Variants in SLC4A10 observed in about 807,000 individuals in gnomAD.
SLC4A10 encodes the protein sodium-driven chloride bicarbonate exchanger.
SLC4A10 carries 42 observed loss-of-function variants against 137.7 expected under a neutral mutation model. The observed-to-expected ratio is 0.30, with a 90% CI of 0.24 to 0.39. SLC4A10 has a LOEUF of 0.39. Ranked by LOEUF, SLC4A10 falls within the 10% of genes least tolerant of loss-of-function variation. The probability of loss-of-function intolerance (pLI) is 1.00; values close to 1 mark genes in which losing one functional copy is unlikely to be tolerated. For missense variants in SLC4A10, 925 were observed against 1,355.0 expected, an observed-to-expected ratio of 0.68 and a Z score of 4.98; for synonymous variants, 474 against 464.1, an observed-to-expected ratio of 1.02 and a Z score of -0.27.
intron 16 of SLC4A10, among the ~76,000 whole-genome samples, chr2:161,944,432 T>A (rs1345851120): frequency 6.6e-6 from 1 of 151,856 alleles, no homozygotes; most frequent in African/African-American, 2.4e-5. Flanking sequence ...ATTCCTTCTA[T>A]GTATTAGCAA....
intron 15 of SLC4A10, among the ~76,000 whole-genome samples, chr2:161,919,587 G>A (rs1359650218): frequency 6.6e-6 from 1 of 152,124 alleles, no homozygotes; most frequent in Non-Finnish European, 1.5e-5. Flanking sequence ...TTGATGGGAT[G>A]ACTTGCCTGT....
chr2:161,812,167 T>G (rs1466516842), intron 3 of SLC4A10, among the ~76,000 whole-genome samples: 1 of 152,054 alleles, frequency 6.6e-6, no homozygotes, highest in Non-Finnish European at 1.5e-5. Flanking sequence ...TCTGTGTCCC[T>G]TAATGAAGAA....
intron 2 of SLC4A10, among the ~76,000 whole-genome samples, chr2:161,786,482 G>A (rs1353444306): frequency 6.6e-6 from 1 of 151,962 alleles, no homozygotes; most frequent in Non-Finnish European, 1.5e-5. Flanking sequence ...TGTAGTCTCA[G>A]TGGTGTGATT....
At chr2:161,737,849 C>G (rs1227767160) in intron 1 of SLC4A10, among the ~76,000 whole-genome samples, 1 of 151,896 alleles carries the variant, frequency 6.6e-6, no homozygotes, top group African/African-American at 2.4e-5. Context: ...TGATTTTTTC[C>G]CCACCTAAAC....
rs1559643355 is a variant in SLC4A10, at chr2:161,965,040, AT to A, written c.3037-8del. 2 of 1,606,766 alleles carry A rather than the reference AT, an allele frequency of 1.2e-6. No homozygotes were observed. On this transcript the variant is annotated splice_polypyrimidine_tract_variant and intron_variant, in intron 22 of 26. Coordinates refer to ENST00000446997, the MANE Select transcript of SLC4A10 (RefSeq NM_001178015.2). ...TTTTTCCACTTTAAACTAGTTTATT[AT>A]TTACTTCAGGTGTTAGCCCTGGTAT...
intron 15 of SLC4A10, among the ~76,000 whole-genome samples, chr2:161,936,134 C>A (rs760516908): frequency 6.6e-5 from 10 of 152,094 alleles, no homozygotes; most frequent in Non-Finnish European, 1.0e-4. Flanking sequence ...TGGGATATAT[C>A]TCACTTGATC....
At chr2:161,807,590 A>T (rs565144631) in intron 3 of SLC4A10, among the ~76,000 whole-genome samples, 1 of 152,138 alleles carries the variant, frequency 6.6e-6, no homozygotes, top group African/African-American at 2.4e-5. Context: ...TTATTTGTTT[A>T]TCCTAGTCTG....
intron 1 of SLC4A10, among the ~76,000 whole-genome samples, chr2:161,692,005 G>A (rs112765200): frequency 2.0e-4 from 31 of 152,190 alleles, no homozygotes; most frequent in African/African-American, 5.5e-4. Flanking sequence ...AATGAAAGAG[G>A]TTAATAACAT....
At position 161,716,816 on chromosome 2, in the gene SLC4A10, T is replaced by A. The variant is rs147697517; in HGVS notation, c.49-54157T>A. 1.4e-3 allele frequency among the ~76,000 whole-genome samples: 207 copies of A among 152,286 alleles called. 1 individual carries two copies. The East Asian group carries it at 0.033, about 24-fold the overall frequency. On this transcript the variant is annotated intron_variant, in intron 1 of 26. Transcript: ENST00000446997. ...CTCTTTTCTGGTTCCATATGAATTT[T>A]AAAATTTTTTTTCTAATTCTGTGAA... is the stretch of plus-strand genomic sequence containing the variant.
chr2:161,760,304 ATTCTTATATCATC>A (rs1346943290), intron 1 of SLC4A10, among the ~76,000 whole-genome samples: 1 of 151,736 alleles, frequency 6.6e-6, no homozygotes, highest in Non-Finnish European at 1.5e-5. Context: ...TGGTTCCCTT[ATTCTTATATCATC>A]TTTCCAGTTA....
chr2:161,730,044 AAAT>A, intron 1 of SLC4A10, among the ~76,000 whole-genome samples: 1 of 152,228 alleles, frequency 6.6e-6, no homozygotes, highest in African/African-American at 2.4e-5. Context: ...CAAACGCCTC[AAAT>A]AAGAGGAAAG....
rs552316965 is a variant in SLC4A10 at position 161,881,779 on chromosome 2, G to A, written c.1107-578G>A. Among the ~76,000 whole-genome samples the A allele has an allele frequency of 4.9e-4, 75 of 152,058 alleles. 1 individual carries two copies. The highest frequency in any genetic ancestry group is 1.7e-3 in the African/African-American group (69 of 41,520). On this transcript the variant is annotated intron_variant, in intron 9 of 26. Transcript: ENST00000446997. Reference sequence around the variant, plus strand: ...CCTAATATAGATGGAATATTATAGTGCAGATGCTATTTTTATTCCTCAGCA... The same window carrying A: ...CCTAATATAGATGGAATATTATAGTACAGATGCTATTTTTATTCCTCAGCA...
intron 1 of SLC4A10, among the ~76,000 whole-genome samples, chr2:161,769,509 C>A (rs1311527853): frequency 1.3e-5 from 2 of 151,864 alleles, no homozygotes; most frequent in Non-Finnish European, 2.9e-5. Context: ...CCTCTTTCCT[C>A]ATTTCTTCAT....
At chr2:161,904,725 A>G in intron 13 of SLC4A10, 51 bp from the exon 14 acceptor site, 5 of 1,599,558 alleles carry the variant, frequency 3.1e-6, no homozygotes, top group Non-Finnish European at 4.3e-6. Context: ...CCTTAGCTAC[A>G]ATGGCCTCCT....
At chr2:161,974,628 G>A (rs566778676) in intron 24 of SLC4A10, among the ~76,000 whole-genome samples, 1 of 152,186 alleles carries the variant, frequency 6.6e-6, no homozygotes, top group East Asian at 1.9e-4. Flanking sequence ...ACAGATCAAG[G>A]TTCCTTTTTT....
chr2:161,805,321 A>T (rs936905108), intron 3 of SLC4A10, among the ~76,000 whole-genome samples: 1 of 152,106 alleles, frequency 6.6e-6, no homozygotes, highest in Non-Finnish European at 1.5e-5. Context: ...CAGCCAAACC[A>T]TATCGTTCCA....
At chr2:161,933,278 T>C (rs545085940) in intron 15 of SLC4A10, among the ~76,000 whole-genome samples, 88 of 150,502 alleles carry the variant, frequency 5.8e-4, no homozygotes, top group African/African-American at 2.1e-3. Context: ...CCTTCCTTTC[T>C]TTTTCTTTCT....
chr2:161,900,177 A>G (rs1682737198), intron 11 of SLC4A10, among the ~76,000 whole-genome samples: 1 of 152,078 alleles, frequency 6.6e-6, no homozygotes, highest in Admixed American at 6.6e-5. Flanking sequence ...AATCATATTC[A>G]CCAACAAAAG....
At chr2:161,975,216 C>A (rs1211099818) in intron 24 of SLC4A10, among the ~76,000 whole-genome samples, 1 of 151,906 alleles carries the variant, frequency 6.6e-6, no homozygotes, top group Admixed American at 6.6e-5. Flanking sequence ...TTCTTTTTTA[C>A]AACATTTAAA....
Sources: gnomAD v4.1 joint callset for allele counts (sites outside exome capture counted in the v4.1 genomes callset) on GRCh38, gnomAD v4.1.1 for gene constraint, MANE v1.5 for transcripts, NCBI Gene and HGNC (gene_info 2026-07-23, HGNC 2026-07-21) for gene names.